PCDHGA4: variants seen among roughly 807,000 people sequenced by gnomAD.
The protein encoded by PCDHGA4 is protocadherin gamma subfamily A, 4.
A neutral mutation model predicts 54.6 loss-of-function variants in PCDHGA4; 38 were observed. That is an observed-to-expected ratio of 0.70 (90% CI 0.54 to 0.91). The LOEUF (loss-of-function observed/expected upper bound fraction) is 0.91. Among genes scored for constraint, PCDHGA4 ranks in the 40% least tolerant of loss-of-function variants. The probability of loss-of-function intolerance (pLI) is 0.00; values close to 1 mark genes in which losing one functional copy is unlikely to be tolerated. For synonymous variants in PCDHGA4, 511 were observed against 512.9 expected (o/e 1.00, Z 0.05); for missense variants, 1,298 against 1,220.9 (o/e 1.06, Z -0.94).
At position 141,355,084 on chromosome 5, in the gene PCDHGA4, A is replaced by G. The variant is rs1396443038; in HGVS notation, c.-24A>G. ...GGAGCTTTATGAAAGCTTCAAGCGGAAGCCCTGAGAGCTCTGGCTGTGAAT... is the reference window on the plus strand; with the variant it reads ...GGAGCTTTATGAAAGCTTCAAGCGGGAGCCCTGAGAGCTCTGGCTGTGAAT... On this transcript the variant is annotated 5_prime_UTR_variant, in exon 1 of 4. Coordinates refer to ENST00000571252, the MANE Select transcript of PCDHGA4 (RefSeq NM_018917.4). 6.9e-7 allele frequency: 1 copy of G among 1,440,360 alleles called. No homozygotes were observed. The highest frequency in any genetic ancestry group is 2.5e-5 in the Admixed American group (1 of 39,448). 89.2% of individuals were successfully genotyped at this position (1,440,360 alleles called of 1,614,324 possible).
chr5:141,399,603 A>G, intron 1 of PCDHGA4: 1 of 1,613,950 alleles, frequency 6.2e-7, no homozygotes, highest in Non-Finnish European at 8.5e-7. Flanking sequence ...CCAGCGACCT[A>G]GAGCCTCTGG....
chr5:141,450,119 G>A (rs765403319), intron 1 of PCDHGA4, among the ~76,000 whole-genome samples: 2 of 148,920 alleles, frequency 1.3e-5, no homozygotes, highest in Non-Finnish European at 3.0e-5. Context: ...TGATTCTCCT[G>A]CCTTAGCCTC....
Position 141,491,422 on chromosome 5 carries a change from G to A in PCDHGA4, c.2515-3385G>A. 1 of 1,614,112 alleles carries A rather than the reference G, an allele frequency of 6.2e-7. No individual in the cohort carries two copies. Among genetic ancestry groups the A allele is most frequent in the East Asian group, 2.2e-5 (1 of 44,874 alleles). On this transcript the variant is annotated intron_variant, in intron 1 of 3. Coordinates refer to ENST00000571252, the MANE Select transcript of PCDHGA4 (RefSeq NM_018917.4). The surrounding 1 kb of genome is among the most constrained non-coding windows in gnomAD (Gnocchi z 6.9). The stretch of plus-strand genomic sequence containing the variant: ...AAACGCAGACGGGGACGGGGGTGGA[G>A]GGCAGTGCTGCAGGCGCCAGGACTC...
At chr5:141,364,797 T>C in intron 1 of PCDHGA4, 1 of 1,613,994 alleles carries the variant, frequency 6.2e-7, no homozygotes, top group Non-Finnish European at 8.5e-7. Context: ...GTGCTTCCCT[T>C]CGCGCGGGAT....
Position 141,491,030 on chromosome 5 carries a change from C to T in PCDHGA4, c.2515-3777C>T. ...GTCACCAAGGTGACAGCCGTGGATG[C>T]TGATGCAGGCCACAATGCGTGGCTC... On this transcript the variant is annotated intron_variant, in intron 1 of 3. Transcript: ENST00000571252. The surrounding 1 kb of genome is among the most constrained non-coding windows in gnomAD (Gnocchi z 6.9). 6.2e-7 allele frequency: 1 copy of T among 1,614,148 alleles called. No individual in the cohort carries two copies. Among genetic ancestry groups the T allele is most frequent in the South Asian group, 1.1e-5 (1 of 91,088 alleles).
At chr5:141,368,306 T>C (rs1456479805) in intron 1 of PCDHGA4, among the ~76,000 whole-genome samples, 1 of 152,130 alleles carries the variant, frequency 6.6e-6, no homozygotes, top group African/African-American at 2.4e-5. Context: ...TTAAACACTG[T>C]TAAAGAGCAT....
At chr5:141,378,114 A>T (rs1024564517) in intron 1 of PCDHGA4, 1 of 152,284 alleles carries the variant, frequency 6.6e-6, no homozygotes, top group African/African-American at 2.4e-5. Flanking sequence ...CAGCATAGTG[A>T]ACACGTATTT....
chr5:141,415,603 T>C, intron 1 of PCDHGA4: 6 of 1,613,954 alleles, frequency 3.7e-6, no homozygotes, highest in Non-Finnish European at 5.1e-6. Flanking sequence ...GGATACCCCA[T>C]TGGTTCCAGT....
At chr5:141,458,319 T>C (rs2879229) in intron 1 of PCDHGA4, among the ~76,000 whole-genome samples, 84,591 of 151,864 alleles carry the variant, frequency 0.56, 26,265 homozygotes, top group African/African-American at 0.85. Flanking sequence ...CACAGACACA[T>C]GTGGAGTGGT....
chr5:141,494,818 C>T lies in PCDHGA4; in HGVS notation c.2526C>T (p.Pro842=). The part of the protein sequence containing the change: ...KGDPNLQQAP[P]NTDWRFSQAQ... ...TGTTTTCTCCACAGCAAGCCCCGCCCAACACGGACTGGCGTTTCTCTCAGG... is the reference window on the plus strand; with the variant it reads ...TGTTTTCTCCACAGCAAGCCCCGCCTAACACGGACTGGCGTTTCTCTCAGG... Residue 842 remains proline (P), a synonymous_variant, in exon 2 of 4, where the codon CCC becomes CCT. Transcript: ENST00000571252. 1.9e-6 allele frequency: 3 copies of T among 1,614,152 alleles called. No homozygotes were observed. The highest frequency in any genetic ancestry group is 2.2e-5 in the South Asian group (2 of 91,074).
intron 1 of PCDHGA4, chr5:141,400,135 G>A (rs773410293): frequency 6.2e-7 from 1 of 1,614,074 alleles, no homozygotes; most frequent in Non-Finnish European, 8.5e-7. Flanking sequence ...GGTGCTGCCG[G>A]ATATCACTGA....
rs1016658212 is a variant in PCDHGA4 at position 141,360,733 on chromosome 5, C to T, written c.2514+3112C>T. 14 of 1,613,854 alleles carry T rather than the reference C, an allele frequency of 8.7e-6. No individual in the cohort carries two copies. In the East Asian group the frequency reaches 8.9e-5, roughly 10 times the overall value. ...TCCTGAGTTGATTCTAAAACACTCTCTGGACAGAGAAGAGCACAGTTTACA... is the reference window on the plus strand; with the variant it reads ...TCCTGAGTTGATTCTAAAACACTCTTTGGACAGAGAAGAGCACAGTTTACA... On this transcript the variant is annotated intron_variant, in intron 1 of 3. Transcript: ENST00000571252.
At chr5:141,398,349 C>T in intron 1 of PCDHGA4, 2 of 1,397,134 alleles carry the variant, frequency 1.4e-6, no homozygotes, top group Non-Finnish European at 2.0e-6. Flanking sequence ...AGAAGCCTTA[C>T]TTCACCGTGA....
At chr5:141,372,897 C>A in intron 1 of PCDHGA4, 1 of 1,104,764 alleles carries the variant, frequency 9.1e-7, no homozygotes, top group Non-Finnish European at 1.3e-6. Flanking sequence ...ATTAAATATT[C>A]CCTGATTACA....
intron 1 of PCDHGA4, among the ~76,000 whole-genome samples, chr5:141,455,907 ATTTATTTT>A (rs1199495676): frequency 7.1e-5 from 9 of 126,872 alleles, no homozygotes; most frequent in African/African-American, 1.1e-4. Context: ...TTATTTATTT[ATTTATTTT>A]GAGACGGAGT....
chr5:141,509,421 A>T (rs939726886), intron 3 of PCDHGA4, among the ~76,000 whole-genome samples: 5 of 152,088 alleles, frequency 3.3e-5, no homozygotes, highest in Non-Finnish European at 1.5e-5. Context: ...AGCCCCAATG[A>T]GTCAAACTCT....
In PCDHGA4 at chr5:141,355,478, A is replaced by G; in HGVS notation, c.371A>G (p.Glu124Gly). 6.2e-7 allele frequency: 1 copy of G among 1,614,082 alleles called. No individual in the cohort carries two copies. The highest frequency in any genetic ancestry group is 1.3e-5 in the African/African-American group (1 of 75,074). ...TLVTAGRIDR[E>G]ELCDRSPNCV... is the part of the protein sequence containing the mutation. ...GTCACCGCGGGTAGGATAGACAGGG[A>G]GGAGCTCTGCGACAGATCTCCAAAC... The change falls in exon 1 of 4, where the codon GAG becomes GGG. Residue 124 changes from glutamate (E) to glycine (G), a missense_variant. Physicochemically the swap from Glu to Gly is moderately conservative, Grantham distance 98. Transcript: ENST00000571252.
chr5:141,494,115 GC>G (rs1445167222), intron 1 of PCDHGA4, among the ~76,000 whole-genome samples: 1 of 152,186 alleles, frequency 6.6e-6, no homozygotes, highest in African/African-American at 2.4e-5. Context: ...AGACAGAGCA[GC>G]CTTGTTCTCT....
In PCDHGA4 at chr5:141,477,967, C is replaced by T. The variant is rs756216038; in HGVS notation, c.2515-16840C>T. Reference sequence around the variant, plus strand: ...GTCTCTTGGGATCCCCTAACCAGAGCCTTTTTGCCATAGGGCTGCACACTG... The same window carrying T: ...GTCTCTTGGGATCCCCTAACCAGAGTCTTTTTGCCATAGGGCTGCACACTG... On this transcript the variant is annotated intron_variant, in intron 1 of 3. Coordinates refer to ENST00000571252, the MANE Select transcript of PCDHGA4 (RefSeq NM_018917.4). This position sits in a 1 kb window ranked among gnomAD's most constrained non-coding sequence, Gnocchi z 4.9. The T allele has an allele frequency of 8.7e-6, 14 of 1,614,032 alleles. No individual in the cohort carries two copies. In the South Asian group the frequency reaches 1.2e-4, roughly 14 times the overall value.
Sources: allele counts gnomAD v4.1 joint callset (sites outside exome capture counted in the v4.1 genomes callset), GRCh38; gene constraint gnomAD v4.1.1; non-coding constraint Gnocchi (gnomAD v3.1); transcripts MANE v1.5; gene names NCBI Gene and HGNC (gene_info 2026-07-23, HGNC 2026-07-21).